Variants in CCNF observed in about 807,000 individuals in gnomAD.
CCNF encodes cyclin F.
CCNF carries 30 observed loss-of-function variants against 85.4 expected under a neutral mutation model. The observed-to-expected ratio is 0.35, with a 90% CI of 0.26 to 0.48. The LOEUF is 0.48. CCNF is among the 20% of genes least tolerant of loss of function. CCNF has a pLI of 0.99. For synonymous variants in CCNF, 439 were observed against 425.1 expected, an observed-to-expected ratio of 1.03 and a Z score of -0.40; for missense variants, 919 against 1,010.4, an observed-to-expected ratio of 0.91 and a Z score of 1.23.
rs1241902544 is a variant in CCNF, at chr16:2,453,625, G to GC, written c.1715+93dup. The GC allele has an allele frequency of 2.3e-5, 36 of 1,536,372 alleles. No individual in the cohort carries two copies. The highest frequency in any genetic ancestry group is 2.6e-5 in the Non-Finnish European group (29 of 1,124,690). ...CCTCAGCGCTTCCTCACACAGAGAGGCCCCCAAGGCTTGTCAGGGGAGCAG... is the reference window on the plus strand; with the variant it reads ...CCTCAGCGCTTCCTCACACAGAGAGGCCCCCCAAGGCTTGTCAGGGGAGCAG... On this transcript the variant is annotated intron_variant, in intron 15 of 16. Transcript: ENST00000397066. The surrounding 1 kb of genome is among the most constrained non-coding windows in gnomAD (Gnocchi z 5.6).
chr16:2,439,940 G>T, intron 8 of CCNF, 114 bp downstream of exon 8: 1 of 870,470 alleles, frequency 1.1e-6, no homozygotes, highest in African/African-American at 1.7e-5. Flanking sequence ...TCCCACATGG[G>T]AGGCCAGGAT....
At chr16:2,430,759 A>G (rs1024660639) in intron 1 of CCNF, among the ~76,000 whole-genome samples, 2 of 152,246 alleles carry the variant, frequency 1.3e-5, no homozygotes, top group African/African-American at 4.8e-5. Context: ...CAAAGGCCCC[A>G]GGAGTTTTCC....
At chr16:2,444,071 C>T (rs1380421324) in intron 9 of CCNF, among the ~76,000 whole-genome samples, 1 of 151,938 alleles carries the variant, frequency 6.6e-6, no homozygotes, top group Non-Finnish European at 1.5e-5. Flanking sequence ...AGGCACCCAC[C>T]ACCATGCCCG....
intron 6 of CCNF, 37 bp from the exon 7 acceptor site, chr16:2,439,316 A>G (rs369819157): frequency 4.4e-5 from 66 of 1,493,252 alleles, no homozygotes; most frequent in Middle Eastern, 4.5e-4. Context: ...ATGAAAAAGA[A>G]TAAGGGAACA....
At chr16:2,432,813 T>G in intron 2 of CCNF, 148 bp from the exon 3 acceptor site, 1 of 557,938 alleles carries the variant, frequency 1.8e-6, no homozygotes, top group Non-Finnish European at 3.2e-6. Flanking sequence ...TGACAGTTAC[T>G]TTCACACAGA....
intron 4 of CCNF, 42 bp downstream of exon 4, chr16:2,435,915 T>C (rs2065288686): frequency 7.0e-7 from 1 of 1,438,268 alleles, no homozygotes. Context: ...TTCAGATAAG[T>C]GTGAGCCTTT....
Position 2,453,007 on chromosome 16 carries a change from T to A in CCNF, c.1488-203T>A. ...TCTAGTACAGGTTTCTGTGTGGACA[T>A]AGTTTTTCCTTTTTCCTGGGTCTTT... On this transcript the variant is annotated intron_variant, in intron 13 of 16. Transcript: ENST00000397066. The surrounding 1 kb of genome is among the most constrained non-coding windows in gnomAD (Gnocchi z 5.6). The A allele has an allele frequency of 1.7e-6, 1 of 600,618 alleles. No homozygotes were observed. The highest frequency in any genetic ancestry group is 2.8e-5 in the East Asian group (1 of 36,040). The allele number at this position is 600,618 out of a possible 1,614,324, so 37.2% of individuals were successfully genotyped here. A position where few individuals can be genotyped will look rare whatever the true frequency, so the allele number is the denominator to read the frequency against.
At chr16:2,433,642 A>C (rs764394555) in intron 3 of CCNF, among the ~76,000 whole-genome samples, 1 of 152,086 alleles carries the variant, frequency 6.6e-6, no homozygotes, top group Admixed American at 6.5e-5. Flanking sequence ...GCTGGAGTGC[A>C]GTGGTGCAAT....
rs1009633042 is a variant in CCNF, at chr16:2,456,854, G to C, written c.2195G>C (p.Ser732Thr). Residue 732 changes from serine (S) to threonine (T), a missense_variant, in exon 17 of 17, where the codon AGT becomes ACT. By Grantham distance (58) the Ser-to-Thr change is moderately conservative. Around this residue, in one of 3 missense-constraint regions of CCNF, gnomAD observed 505 missense variants for 514.8 expected, o/e 0.98. Coordinates refer to ENST00000397066, the MANE Select transcript of CCNF (RefSeq NM_001761.3). This position sits in a 1 kb window ranked among gnomAD's most constrained non-coding sequence, Gnocchi z 4.5. The part of the protein sequence containing the change: ...PQPTSVLSLD[S>T]DSHTQPCHHQ... ...CCTACCTCAGTGCTGTCCCTGGACAGTGACTCGCACACACAGCCCTGCCAC... is the reference window on the plus strand; with the variant it reads ...CCTACCTCAGTGCTGTCCCTGGACACTGACTCGCACACACAGCCCTGCCAC... 1 of 1,613,970 alleles carries C rather than the reference G, an allele frequency of 6.2e-7. No homozygotes were observed. The highest frequency in any genetic ancestry group is 1.3e-5 in the African/African-American group (1 of 74,948).
At position 2,453,689 on chromosome 16, in the gene CCNF, G is replaced by T. The variant is rs2065408177; in HGVS notation, c.1715+152G>T. The T allele has an allele frequency of 2.0e-6, 2 of 1,005,696 alleles. No homozygotes were observed. The highest frequency in any genetic ancestry group is 2.9e-6 in the Non-Finnish European group (2 of 686,200). 62.3% of individuals were successfully genotyped at this position (1,005,696 alleles called of 1,614,324 possible). On this transcript the variant is annotated intron_variant, in intron 15 of 16. Coordinates refer to ENST00000397066, the MANE Select transcript of CCNF (RefSeq NM_001761.3). The surrounding 1 kb of genome is among the most constrained non-coding windows in gnomAD (Gnocchi z 5.6). Reference sequence around the variant, plus strand: ...AGTGACCCTGGGACGGAGCCCTGCAGTCATGCCTCGGGCCCCTGCGTAACC... The same window carrying T: ...AGTGACCCTGGGACGGAGCCCTGCATTCATGCCTCGGGCCCCTGCGTAACC...
At chr16:2,431,944 C>A (rs2065265076) in intron 2 of CCNF, among the ~76,000 whole-genome samples, 1 of 151,656 alleles carries the variant, frequency 6.6e-6, no homozygotes, top group Admixed American at 6.6e-5. Flanking sequence ...CATTCTCCTA[C>A]CTCAGCCTTC....
intron 8 of CCNF, among the ~76,000 whole-genome samples, chr16:2,441,867 G>T (rs1409253142): frequency 2.1e-5 from 3 of 142,110 alleles, no homozygotes; most frequent in African/African-American, 7.9e-5. Flanking sequence ...AAATTGGAAT[G>T]TTCAACCTTA....
chr16:2,442,118 G>A (rs2065326563), intron 8 of CCNF, among the ~76,000 whole-genome samples: 1 of 145,466 alleles, frequency 6.9e-6, no homozygotes, highest in Non-Finnish European at 1.5e-5. Context: ...CCATTCTCCT[G>A]CCTCAGCCTC....
In CCNF at chr16:2,435,645, ATATATATATG is replaced by A. The variant is rs2065285776; in HGVS notation, c.279-160_279-151del. On this transcript the variant is annotated intron_variant, in intron 3 of 16. Transcript: ENST00000397066. ...CACACACACATATATATGCACACAC[ATATATATATG>A]CACACACACACATATATATATATAT... Among the ~76,000 whole-genome samples the A allele has an allele frequency of 8.4e-5, 9 of 106,856 alleles. No individual in the cohort carries two copies. The South Asian group carries it at 1.2e-3, about 15-fold the overall frequency. The allele number at this position is 106,856 out of a possible 152,430, so 70.1% of individuals were successfully genotyped here.
chr16:2,443,524 A>G (rs1596922705), intron 8 of CCNF, 125 bp from the exon 9 acceptor site: 1 of 802,058 alleles, frequency 1.2e-6, no homozygotes, highest in African/African-American at 1.7e-5. Context: ...GAAGCTTGTG[A>G]AGGTTTAAGT....
intron 9 of CCNF, among the ~76,000 whole-genome samples, chr16:2,444,188 G>A (rs532945825): frequency 1.2e-4 from 19 of 152,104 alleles, no homozygotes; most frequent in Non-Finnish European, 2.4e-4. Flanking sequence ...CAAAGTGCTG[G>A]GATTACAGGC....
chr16:2,452,940 G>A lies in CCNF; in HGVS notation c.1488-270G>A. ...ACATGTGTTTATCCATCCCGCAGCT[G>A]GTGGACATTTTGCCTATTGTGAACA... is the stretch of plus-strand genomic sequence containing the variant. On this transcript the variant is annotated intron_variant, in intron 13 of 16. Coordinates refer to ENST00000397066, the MANE Select transcript of CCNF (RefSeq NM_001761.3). The surrounding 1 kb of genome is among the most constrained non-coding windows in gnomAD (Gnocchi z 4.1). The A allele has an allele frequency of 1.9e-6, 1 of 517,658 alleles. No individual in the cohort carries two copies. Among genetic ancestry groups the A allele is most frequent in the Non-Finnish European group, 3.5e-6 (1 of 286,840 alleles). The allele number at this position is 517,658 out of a possible 1,614,324, so 32.1% of individuals were successfully genotyped here.
intron 10 of CCNF, among the ~76,000 whole-genome samples, chr16:2,445,932 G>A (rs1191896974): frequency 1.3e-5 from 2 of 152,060 alleles, no homozygotes; most frequent in Non-Finnish European, 2.9e-5. Context: ...GTTTCATCAT[G>A]TTGGTCAGGC....
In CCNF at chr16:2,453,199, T is replaced by A. The variant is rs2065404321; in HGVS notation, c.1488-11T>A. On this transcript the variant is annotated splice_polypyrimidine_tract_variant and intron_variant, in intron 13 of 16. Transcript: ENST00000397066. This position sits in a 1 kb window ranked among gnomAD's most constrained non-coding sequence, Gnocchi z 5.6. ...GCCTCACATGTCCACTCCACGTGAC[T>A]CTGTTTCCAGCTTCCATGATGACGC... 1.2e-6 allele frequency: 2 copies of A among 1,613,206 alleles called. No homozygotes were observed. The highest frequency in any genetic ancestry group is 4.5e-5 in the East Asian group (2 of 44,868).
Sources: gnomAD v4.1 joint callset for allele counts (sites outside exome capture counted in the v4.1 genomes callset) on GRCh38, gnomAD v4.1.1 for gene constraint, gnomAD v4.1.1 regional missense constraint, Gnocchi (gnomAD v3.1) non-coding constraint, MANE v1.5 for transcripts, NCBI Gene and HGNC (gene_info 2026-07-23, HGNC 2026-07-21) for gene names.